FAM135B: variants seen among roughly 807,000 people sequenced by gnomAD.
FAM135B encodes the protein protein FAM135B.
A neutral mutation model predicts 127.7 loss-of-function variants in FAM135B; 43 were observed. That is an observed-to-expected ratio of 0.34 (90% CI 0.26 to 0.43). The LOEUF (loss-of-function observed/expected upper bound fraction) is 0.43, where lower values mean the gene tolerates loss of function less well. FAM135B is among the 20% of genes least tolerant of loss of function. The pLI is 1.00. For synonymous variants in FAM135B, 670 were observed against 665.1 expected (o/e 1.01, Z -0.11); for missense variants, 1,558 against 1,725.6 (o/e 0.90, Z 1.72).
intron 7 of FAM135B, among the ~76,000 whole-genome samples, chr8:138,231,375 A>C (rs982100784): frequency 5.9e-5 from 9 of 152,178 alleles, no homozygotes; most frequent in Non-Finnish European, 2.9e-5. Flanking sequence ...GGGACCAGGC[A>C]GACTTGTTCA....
At chr8:138,150,440 C>A (rs571731140) in intron 13 of FAM135B, among the ~76,000 whole-genome samples, 6 of 152,124 alleles carry the variant, frequency 3.9e-5, no homozygotes, top group Admixed American at 2.6e-4. Context: ...GAGGCCCAGG[C>A]GGGTAGATCA....
intron 1 of FAM135B, among the ~76,000 whole-genome samples, chr8:138,405,001 TCC>T (rs1037075204): frequency 4.6e-5 from 7 of 152,100 alleles, no homozygotes; most frequent in African/African-American, 1.7e-4. Flanking sequence ...AATTTACTTT[TCC>T]CAAATCCAGT....
intron 3 of FAM135B, among the ~76,000 whole-genome samples, chr8:138,284,368 T>G (rs960793613): frequency 6.6e-6 from 1 of 152,150 alleles, no homozygotes; most frequent in Admixed American, 6.5e-5. Flanking sequence ...CTGTGCAGAC[T>G]TTCTCCACAG....
intron 1 of FAM135B, among the ~76,000 whole-genome samples, chr8:138,436,203 C>A (rs377735440): frequency 6.6e-6 from 1 of 152,106 alleles, no homozygotes. Context: ...TAAGCAAATG[C>A]TAAAACGATG....
intron 2 of FAM135B, among the ~76,000 whole-genome samples, chr8:138,312,979 G>A (rs1826809730): frequency 6.6e-6 from 1 of 152,104 alleles, no homozygotes; most frequent in Non-Finnish European, 1.5e-5. Flanking sequence ...GAAGCAATTG[G>A]CTATCCATAG....
rs538347463 is a variant in FAM135B, at chr8:138,217,432, C to CTTT, written c.670-19766_670-19764dup. 1.2e-3 allele frequency among the ~76,000 whole-genome samples: 152 copies of CTTT among 129,248 alleles called. 7 individuals are homozygous for CTTT. The highest frequency in any genetic ancestry group is 1.7e-3 in the Admixed American group (20 of 11,994). 84.8% of individuals were successfully genotyped at this position (129,248 alleles called of 152,430 possible). A position where few individuals can be genotyped will look rare whatever the true frequency, so the allele number is the denominator to read the frequency against. On this transcript the variant is annotated intron_variant, in intron 7 of 19. Coordinates refer to ENST00000395297, the MANE Select transcript of FAM135B (RefSeq NM_015912.4). Reference sequence around the variant, plus strand: ...TATTCATTTGTTCTCTGATATATTTCTTTTTTTTTTTTTTTTGAGATGGAG... The same window carrying CTTT: ...TATTCATTTGTTCTCTGATATATTTCTTTTTTTTTTTTTTTTTTTGAGATGGAG...
At chr8:138,361,543 C>T (rs1301756660) in intron 2 of FAM135B, among the ~76,000 whole-genome samples, 2 of 152,188 alleles carry the variant, frequency 1.3e-5, no homozygotes, top group Non-Finnish European at 2.9e-5. Flanking sequence ...GAGAAGAAGG[C>T]AAAGCCACAC....
chr8:138,346,687 A>C (rs11782838), intron 2 of FAM135B, among the ~76,000 whole-genome samples: 64,552 of 151,860 alleles, frequency 0.43, 14,268 homozygotes, highest in East Asian at 0.66. Context: ...GGTGACGGGG[A>C]GAATATCAGG....
intron 3 of FAM135B, among the ~76,000 whole-genome samples, chr8:138,295,650 G>A (rs1243712333): frequency 1.3e-5 from 2 of 152,166 alleles, no homozygotes; most frequent in African/African-American, 4.8e-5. Flanking sequence ...AAGCAGAGGG[G>A]AGACAGAGGG....
intron 5 of FAM135B, 104 bp from the exon 6 acceptor site, chr8:138,251,118 A>G (rs928013681): frequency 3.1e-6 from 4 of 1,305,040 alleles, no homozygotes; most frequent in Admixed American, 1.9e-5. Context: ...CACCATGCAT[A>G]CATCATCTCG....
intron 15 of FAM135B, among the ~76,000 whole-genome samples, chr8:138,143,709 G>A (rs986635502): frequency 3.3e-5 from 5 of 152,226 alleles, no homozygotes; most frequent in African/African-American, 1.2e-4. Flanking sequence ...TAACCTCAAG[G>A]ACTAACTTTT....
chr8:138,497,178 C>T lies in FAM135B; in HGVS notation c.-527G>A, dbSNP rs1023771597. On this transcript the variant is annotated 5_prime_UTR_variant, in exon 1 of 20. Transcript: ENST00000395297. ...CCCTCCGCGCCGCGCCGCGCGCCCT[C>T]GCGGCCGGGAGAGCCCGCCCTGCTG... Among the ~76,000 whole-genome samples the T allele has an allele frequency of 4.0e-5, 6 of 151,150 alleles. No individual in the cohort carries two copies. The highest frequency in any genetic ancestry group is 1.5e-4 in the African/African-American group (6 of 41,326).
intron 2 of FAM135B, among the ~76,000 whole-genome samples, chr8:138,316,199 C>A (rs1428903251): frequency 6.6e-6 from 1 of 152,170 alleles, no homozygotes; most frequent in East Asian, 1.9e-4. Context: ...CATCATCAGA[C>A]AAAATACTAA....
At chr8:138,190,008 A>G (rs536913365) in intron 9 of FAM135B, among the ~76,000 whole-genome samples, 327 of 152,270 alleles carry the variant, frequency 2.1e-3, no homozygotes, top group African/African-American at 7.3e-3. Flanking sequence ...CCCTTCCAGC[A>G]TGGCCCTTTT....
intron 3 of FAM135B, among the ~76,000 whole-genome samples, chr8:138,302,565 G>A (rs537838830): frequency 7.2e-5 from 2 of 27,674 alleles, no homozygotes; most frequent in South Asian, 2.2e-3. Context: ...AAGATCTGCT[G>A]GGGGGACCCT....
At position 138,407,091 on chromosome 8, in the gene FAM135B, C is replaced by A. The variant is rs554318612; in HGVS notation, c.-19-39089G>T. On this transcript the variant is annotated intron_variant, in intron 1 of 19. Coordinates refer to ENST00000395297, the MANE Select transcript of FAM135B (RefSeq NM_015912.4). ...ATACAAAATCAATGTACAAAAATCA[C>A]AAGCATTCTTATACATCAATAACAG... Among the ~76,000 whole-genome samples, 431 of 151,470 alleles carry A rather than the reference C, an allele frequency of 2.8e-3. 2 individuals are homozygous for A. The Middle Eastern group carries it at 0.037, about 13-fold the overall frequency.
rs372816368 is a variant in FAM135B at position 138,190,859 on chromosome 8, T to A, written c.873+4399A>T. Among the ~76,000 whole-genome samples the A allele has an allele frequency of 7.9e-5, 12 of 152,192 alleles. No homozygotes were observed. The East Asian group carries it at 9.6e-4, about 12-fold the overall frequency. ...CAATCAGAAAATCTTTGAATCTACC[T>A]ATGATCTGGAAGCCTTGCTCCCCCA... On this transcript the variant is annotated intron_variant, in intron 9 of 19. Transcript: ENST00000395297.
At chr8:138,460,549 A>C (rs1033921214) in intron 1 of FAM135B, among the ~76,000 whole-genome samples, 2 of 152,184 alleles carry the variant, frequency 1.3e-5, no homozygotes, top group African/African-American at 4.8e-5. Flanking sequence ...AGGCCTCCCC[A>C]TGCCTCAGAG....
intron 7 of FAM135B, among the ~76,000 whole-genome samples, chr8:138,209,215 A>C (rs1371993019): frequency 6.6e-6 from 1 of 152,186 alleles, no homozygotes; most frequent in Non-Finnish European, 1.5e-5. Flanking sequence ...GAATATACCC[A>C]AAATGAAGAA....
Sources: gnomAD v4.1 joint callset for allele counts (sites outside exome capture counted in the v4.1 genomes callset) on GRCh38, gnomAD v4.1.1 for gene constraint, MANE v1.5 for transcripts, NCBI Gene and HGNC (gene_info 2026-07-23, HGNC 2026-07-21) for gene names.